Variants in PGAP1 observed in about 807,000 individuals in gnomAD.
The protein encoded by PGAP1 is post-GPI attachment to proteins inositol deacylase 1, also known as GPI inositol-deacylase.
PGAP1 carries 76 observed loss-of-function variants against 127.0 expected under a neutral mutation model. The ratio of observed to expected loss-of-function variants is 0.60; its 90% confidence interval spans 0.50 to 0.72. The LOEUF is 0.72. Among genes scored for constraint, PGAP1 ranks in the 30% least tolerant of loss-of-function variants. The probability of loss-of-function intolerance (pLI) is 0.00; values close to 1 mark genes in which losing one functional copy is unlikely to be tolerated. For missense variants in PGAP1, 982 were observed against 1,071.3 expected, an observed-to-expected ratio of 0.92 and a Z score of 1.16; for synonymous variants, 362 against 366.5, an observed-to-expected ratio of 0.99 and a Z score of 0.14.
intron 9 of PGAP1, among the ~76,000 whole-genome samples, 155 bp from the exon 10 acceptor site, chr2:196,891,066 A>G (rs1475296834): frequency 6.6e-6 from 1 of 152,228 alleles, no homozygotes; most frequent in African/African-American, 2.4e-5. Flanking sequence ...AGGAAGATAC[A>G]GAAGGGCAAG....
chr2:196,878,653 CT>C (rs1701637081), intron 13 of PGAP1, among the ~76,000 whole-genome samples: 1 of 152,130 alleles, frequency 6.6e-6, no homozygotes, highest in African/African-American at 2.4e-5. Context: ...AGTTAAAAAT[CT>C]TATGGCTTCC....
intron 8 of PGAP1, among the ~76,000 whole-genome samples, chr2:196,892,651 T>C (rs1702139376): frequency 6.6e-6 from 1 of 152,048 alleles, no homozygotes; most frequent in Non-Finnish European, 1.5e-5. Context: ...ACATAGGAAA[T>C]AAATATTTCA....
rs535071524 is a variant in PGAP1, at chr2:196,841,144, T to A, written c.*90A>T. On this transcript the variant is annotated 3_prime_UTR_variant, in exon 27 of 27. Transcript: ENST00000354764. ...AAATAGACTTGTCTTCTCCAAAGGA[T>A]CTTGCTGTCCATACTGATGGATCTG... 2.4e-6 allele frequency: 3 copies of A among 1,239,408 alleles called. No homozygotes were observed. The highest frequency in any genetic ancestry group is 5.4e-5 in the Admixed American group (2 of 37,328). 76.8% of individuals were successfully genotyped at this position (1,239,408 alleles called of 1,614,324 possible). A position where few individuals can be genotyped will look rare whatever the true frequency, so the allele number is the denominator to read the frequency against.
At chr2:196,858,228 T>A (rs1209837011) in intron 20 of PGAP1, among the ~76,000 whole-genome samples, 1 of 150,958 alleles carries the variant, frequency 6.6e-6, no homozygotes, top group Non-Finnish European at 1.5e-5. Flanking sequence ...GGTGAAACCC[T>A]GTCTCTACTA....
intron 20 of PGAP1, among the ~76,000 whole-genome samples, chr2:196,862,613 G>A (rs1399690034): frequency 6.6e-6 from 1 of 152,142 alleles, no homozygotes; most frequent in Non-Finnish European, 1.5e-5. Flanking sequence ...CTACCAACAT[G>A]TGATGTCTCT....
intron 6 of PGAP1, among the ~76,000 whole-genome samples, chr2:196,897,983 C>T (rs1702342650): frequency 6.6e-6 from 1 of 152,068 alleles, no homozygotes; most frequent in Non-Finnish European, 1.5e-5. Context: ...TTTGGGAGGC[C>T]AATGTGGGTG....
At chr2:196,885,040 C>T (rs1701853454) in intron 12 of PGAP1, among the ~76,000 whole-genome samples, 1 of 152,112 alleles carries the variant, frequency 6.6e-6, no homozygotes, top group Admixed American at 6.5e-5. Flanking sequence ...ATGTCCACTT[C>T]CCAACTGCAG....
chr2:196,849,506 C>T (rs111404750), intron 20 of PGAP1, among the ~76,000 whole-genome samples: 10 of 151,730 alleles, frequency 6.6e-5, no homozygotes, highest in African/African-American at 9.7e-5. Context: ...GATCTCCCGA[C>T]CTCGTGATCC....
At chr2:196,922,146 CTCCT>C (rs2125842059) in intron 1 of PGAP1, 1 of 1,293,310 alleles carries the variant, frequency 7.7e-7, no homozygotes, top group African/African-American at 1.5e-5. Context: ...CTCTGCTGTC[CTCCT>C]TCCTTGACTC....
Position 196,842,752 on chromosome 2 carries a change from C to T in PGAP1, c.2599G>A (p.Gly867Arg). 1 of 1,579,036 alleles carries T rather than the reference C, an allele frequency of 6.3e-7. No homozygotes were observed. The highest frequency in any genetic ancestry group is 8.6e-7 in the Non-Finnish European group (1 of 1,158,082). ...TTTATTGAAACAGTGTAAGTATTTC[C>T]AAGAATTGCCATAGTCGGAATAAGG... ...FILIPTMAIL[G>R]NTYTVSIKSS... Residue 867 changes from glycine (G) to arginine (R), a missense_variant, in exon 26 of 27, where the codon GGA becomes AGA. Gly to Arg is a moderately radical substitution (Grantham distance 125, BLOSUM62 -2). Coordinates refer to ENST00000354764, the MANE Select transcript of PGAP1 (RefSeq NM_024989.4).
At position 196,899,834 on chromosome 2, in the gene PGAP1, G is replaced by A. The variant is rs371481654; in HGVS notation, c.808-1465C>T. Among the ~76,000 whole-genome samples the A allele has an allele frequency of 2.6e-5, 4 of 152,316 alleles. No individual in the cohort carries two copies. In the South Asian group the frequency reaches 8.3e-4, roughly 32 times the overall value. On this transcript the variant is annotated intron_variant, in intron 5 of 26. Transcript: ENST00000354764. ...GGATCACCTGAGGTCAGGAGTTGGA[G>A]ACCAGCCTGGCTAACATGGTGAAAC...
Position 196,839,693 on chromosome 2 carries a change from T to C in PGAP1, c.*1541A>G, listed in dbSNP as rs1220503734. 2.0e-5 allele frequency: 3 copies of C among 152,162 alleles called. No individual in the cohort carries two copies. Among genetic ancestry groups the C allele is most frequent in the Non-Finnish European group, 4.4e-5 (3 of 68,052 alleles). 9.4% of individuals were successfully genotyped at this position (152,162 alleles called of 1,614,324 possible). A position where few individuals can be genotyped will look rare whatever the true frequency, so the allele number is the denominator to read the frequency against. On this transcript the variant is annotated 3_prime_UTR_variant, in exon 27 of 27. Transcript: ENST00000354764. ...AAATAGCCAGGACCTGAGGAAGAAC[T>C]GAGAAGAGAAGTTAGGTAACTCTCT...
At chr2:196,856,787 A>G (rs1263779764) in intron 20 of PGAP1, among the ~76,000 whole-genome samples, 1 of 152,226 alleles carries the variant, frequency 6.6e-6, no homozygotes, top group East Asian at 1.9e-4. Context: ...CTTGAAGGAT[A>G]ATGGTCATTT....
chr2:196,847,336 A>AT (rs910992772), intron 21 of PGAP1, 136 bp from the exon 22 acceptor site: 19 of 631,272 alleles, frequency 3.0e-5, no homozygotes, highest in Non-Finnish European at 4.8e-5. Flanking sequence ...TGAAAAACAA[A>AT]TTTTTAATTC....
In PGAP1 at chr2:196,841,230, AATCTTAC is replaced by A. The variant is rs1700402131; in HGVS notation, c.2766_*3del. The A allele has an allele frequency of 1.2e-6, 2 of 1,610,898 alleles. No individual in the cohort carries two copies. The highest frequency in any genetic ancestry group is 1.7e-6 in the Non-Finnish European group (2 of 1,178,786). ...ATTATCTTCATCATTCCTTAAGTCC[AATCTTAC>A]ATAAAGTTGCATAATGCATGGAGTA... On this transcript the variant is annotated stop_lost and 3_prime_UTR_variant, in exon 27 of 27. Coordinates refer to ENST00000354764, the MANE Select transcript of PGAP1 (RefSeq NM_024989.4).
intron 10 of PGAP1, among the ~76,000 whole-genome samples, chr2:196,889,517 C>G (rs1367081042): frequency 6.7e-6 from 1 of 148,634 alleles, no homozygotes; most frequent in African/African-American, 2.5e-5. Context: ...GTGAGATATG[C>G]CAAAAAAAAA....
At chr2:196,922,915 C>T (rs1057253573) in intron 1 of PGAP1, among the ~76,000 whole-genome samples, 10 of 151,892 alleles carry the variant, frequency 6.6e-5, no homozygotes, top group African/African-American at 2.4e-4. Flanking sequence ...GTCTTGAACT[C>T]CTGGGCTCAA....
At chr2:196,916,835 T>A (rs535570273) in intron 2 of PGAP1, among the ~76,000 whole-genome samples, 1 of 152,308 alleles carries the variant, frequency 6.6e-6, no homozygotes, top group East Asian at 1.9e-4. Context: ...AACAGATCAC[T>A]CACTCTCTAC....
Position 196,838,310 on chromosome 2 carries a change from A to G in PGAP1, c.*2924T>C, listed in dbSNP as rs961299956. 2.0e-5 allele frequency: 3 copies of G among 152,240 alleles called. No homozygotes were observed. Among genetic ancestry groups the G allele is most frequent in the Non-Finnish European group, 2.9e-5 (2 of 68,052 alleles). The allele number at this position is 152,240 out of a possible 1,614,324, so 9.4% of individuals were successfully genotyped here. On this transcript the variant is annotated 3_prime_UTR_variant, in exon 27 of 27. Coordinates refer to ENST00000354764, the MANE Select transcript of PGAP1 (RefSeq NM_024989.4). ...TGAATTAGATAATCTATAACCGCCA[A>G]TAAATAATTTCATTTTTGTTAACAT...
Sources: gnomAD v4.1 joint callset for allele counts (sites outside exome capture counted in the v4.1 genomes callset) on GRCh38, gnomAD v4.1.1 for gene constraint, MANE v1.5 for transcripts, NCBI Gene and HGNC (gene_info 2026-07-23, HGNC 2026-07-21) for gene names.